SYTL5: variants seen among roughly 807,000 people sequenced by gnomAD.
The protein encoded by SYTL5 is synaptotagmin-like protein 5.
SYTL5 carries 34 observed loss-of-function variants against 55.9 expected under a neutral mutation model. The ratio of observed to expected loss-of-function variants is 0.61; its 90% CI spans 0.46 to 0.81. The LOEUF (loss-of-function observed/expected upper bound fraction) is 0.81, where lower values mean the gene tolerates loss of function less well. Ranked by LOEUF, SYTL5 falls within the 30% of genes least tolerant of loss-of-function variation. SYTL5 has a pLI of 0.00. For synonymous variants in SYTL5, 221 were observed against 188.7 expected (o/e 1.17, Z -1.40); for missense variants, 637 against 546.7 (o/e 1.17, Z -1.65).
At chrX:38,125,686 A>G (rs1348319234) in intron 16 of SYTL5, among the ~76,000 whole-genome samples, 180 bp downstream of exon 16, 1 of 112,740 alleles carries the variant, frequency 8.9e-6, no homozygotes, top group Non-Finnish European at 1.9e-5. Flanking sequence ...AAATATAACT[A>G]CAGTAACTTT....
chrX:37,966,584 C>T, the SYTL5 span, among the ~76,000 whole-genome samples: 1 of 108,540 alleles, frequency 9.2e-6, no homozygotes, highest in Admixed American at 9.9e-5. Flanking sequence ...ACTACAGATG[C>T]ACGCCACCAC....
At chrX:37,964,460 G>A in the SYTL5 span, among the ~76,000 whole-genome samples, 2 of 111,713 alleles carry the variant, frequency 1.8e-5, no homozygotes, top group African/African-American at 3.3e-5. Context: ...GTAATGGTAC[G>A]TGATTCTTTT....
chrX:37,969,624 C>A, the SYTL5 span, among the ~76,000 whole-genome samples: 1 of 111,880 alleles, frequency 8.9e-6, no homozygotes, highest in Non-Finnish European at 1.9e-5. Context: ...AAGGAAAGAG[C>A]CATCATTCAA....
chrX:38,000,123 T>A, the SYTL5 span, among the ~76,000 whole-genome samples: 2 of 111,888 alleles, frequency 1.8e-5, no homozygotes, highest in Non-Finnish European at 3.8e-5. Context: ...TGTGTTTTAT[T>A]TGGGGAAGCC....
the SYTL5 span, among the ~76,000 whole-genome samples, chrX:37,948,061 A>G: frequency 9.0e-6 from 1 of 111,655 alleles, no homozygotes; most frequent in Non-Finnish European, 1.9e-5. Flanking sequence ...TTTCAGTATG[A>G]GAATATTTCT....
the SYTL5 span, among the ~76,000 whole-genome samples, chrX:37,956,942 A>C: frequency 6.3e-5 from 7 of 111,856 alleles, no homozygotes; most frequent in Admixed American, 9.5e-5. Flanking sequence ...TCACATCTTC[A>C]CCAACACTTG....
the SYTL5 span, among the ~76,000 whole-genome samples, chrX:37,891,344 T>C: frequency 8.9e-6 from 1 of 112,365 alleles, no homozygotes; most frequent in Non-Finnish European, 1.9e-5. Context: ...ATATGAACCT[T>C]GACAGCATGC....
chrX:38,067,427 C>G (rs1278531155), intron 3 of SYTL5, among the ~76,000 whole-genome samples: 1 of 109,079 alleles, frequency 9.2e-6, no homozygotes, highest in African/African-American at 3.3e-5. Context: ...CACTATTTAG[C>G]AATTTTTAGT....
the SYTL5 span, among the ~76,000 whole-genome samples, chrX:37,931,497 G>A: frequency 2.7e-5 from 3 of 111,649 alleles, no homozygotes; most frequent in African/African-American, 9.7e-5. Flanking sequence ...TCAATAAAAA[G>A]TGACTATATC....
intron 14 of SYTL5, among the ~76,000 whole-genome samples, chrX:38,121,187 C>T (rs1346799891): frequency 9.0e-6 from 1 of 111,497 alleles, no homozygotes; most frequent in Admixed American, 9.5e-5. Flanking sequence ...AGGACAGCAC[C>T]AAGGGGACGG....
chrX:38,054,360 C>T lies in SYTL5; in HGVS notation c.267C>T (p.Cys89=). ...DPCQACSLRV[C]RECRVAGPNG... ...GTCAGGCTTGCTCACTGAGGGTATG[C>T]AGGGAGTGTCGAGTTGCAGGCCCCA... Residue 89 remains cysteine (C), a synonymous_variant, in exon 3 of 17, where the codon TGC becomes TGT. Transcript: ENST00000297875. 8.3e-7 allele frequency: 1 copy of T among 1,211,367 alleles called. No individual in the cohort carries two copies. Among genetic ancestry groups the T allele is most frequent in the Admixed American group, 2.2e-5 (1 of 45,996 alleles).
the SYTL5 span, among the ~76,000 whole-genome samples, chrX:37,977,930 A>G: frequency 9.0e-6 from 1 of 111,222 alleles, no homozygotes; most frequent in South Asian, 3.8e-4. Context: ...AGGAGAGAAC[A>G]CCTAGACTTT....
Position 38,119,580 on chromosome X carries a change from C to T in SYTL5, c.1597-778C>T, listed in dbSNP as rs553138060. Among the ~76,000 whole-genome samples the T allele has an allele frequency of 1.2e-4, 13 of 112,182 alleles. 1 individual carries two copies. The South Asian group carries it at 4.1e-3, about 35-fold the overall frequency. ...TACCACAGTTTGTTTAACCATTCAC[C>T]TGTTGAAGGAAATCCATGTGGTTTC... On this transcript the variant is annotated intron_variant, in intron 13 of 16. Transcript: ENST00000297875.
At chrX:38,046,654 C>G in intron 2 of SYTL5, among the ~76,000 whole-genome samples, 1 of 111,577 alleles carries the variant, frequency 9.0e-6, no homozygotes, top group East Asian at 2.8e-4. Flanking sequence ...CCTCACATTT[C>G]AAAACCAATC....
At chrX:38,053,199 C>T (rs978558735) in intron 2 of SYTL5, among the ~76,000 whole-genome samples, 2 of 112,249 alleles carry the variant, frequency 1.8e-5, no homozygotes, top group African/African-American at 3.2e-5. Flanking sequence ...ATTCCTAAAA[C>T]GTTCCCAGGT....
the SYTL5 span, among the ~76,000 whole-genome samples, chrX:37,933,116 A>G: frequency 1.8e-5 from 2 of 111,614 alleles, no homozygotes; most frequent in Non-Finnish European, 3.8e-5. Flanking sequence ...CCACTTTTTA[A>G]TGGTGCAGTG....
intron 7 of SYTL5, 104 bp from the exon 8 acceptor site, chrX:38,094,191 A>C (rs1360157388): frequency 1.4e-6 from 1 of 720,099 alleles, no homozygotes; most frequent in East Asian, 3.6e-5. Flanking sequence ...CTCCTAAATA[A>C]TAATACATAT....
chrX:38,008,335 A>G (rs968244571), intron 1 of SYTL5, among the ~76,000 whole-genome samples: 8 of 111,473 alleles, frequency 7.2e-5, no homozygotes, highest in African/African-American at 2.6e-4. Flanking sequence ...ATGATTTCAC[A>G]AAACTTCTCT....
At chrX:37,889,694 G>C in the SYTL5 span, among the ~76,000 whole-genome samples, 1 of 110,002 alleles carries the variant, frequency 9.1e-6, no homozygotes, top group African/African-American at 3.3e-5. Context: ...AACTTCTCTT[G>C]GATATTTTAA....
Sources: gnomAD v4.1 joint callset for allele counts (sites outside exome capture counted in the v4.1 genomes callset) on GRCh38, gnomAD v4.1.1 for gene constraint, MANE v1.5 for transcripts, NCBI Gene and HGNC (gene_info 2026-07-23, HGNC 2026-07-21) for gene names.